Variants in TMEM135 observed in about 807,000 individuals in gnomAD.
TMEM135 encodes peroxisomal membrane protein 52.
Under a neutral mutation model 60.3 loss-of-function variants are expected in TMEM135, and 30 were observed. That is an observed-to-expected ratio of 0.50 (90% CI 0.37 to 0.68). TMEM135 has a LOEUF of 0.68. TMEM135 is among the 30% of genes least tolerant of loss of function. The pLI is 0.00. For synonymous variants in TMEM135, 190 were observed against 186.7 expected, an observed-to-expected ratio of 1.02 and a Z score of -0.14; for missense variants, 468 against 548.8, an observed-to-expected ratio of 0.85 and a Z score of 1.47.
intron 4 of TMEM135, among the ~76,000 whole-genome samples, chr11:87,149,032 T>TTGTGTGTGTGTGTGTG (rs553840798): frequency 1.4e-5 from 2 of 143,598 alleles, no homozygotes; most frequent in African/African-American, 5.1e-5. Context: ...CCCCATACCT[T>TTGTGTGTGTGTGTGTG]TGTGTGTGTG....
At chr11:87,287,253 T>C (rs1942183064) in intron 6 of TMEM135, among the ~76,000 whole-genome samples, 1 of 152,254 alleles carries the variant, frequency 6.6e-6, no homozygotes, top group Non-Finnish European at 1.5e-5. Context: ...CAATGTCTTC[T>C]GTATATTAGA....
Position 87,321,327 on chromosome 11 carries a change from T to A in TMEM135, c.1371T>A (p.Phe457Leu), listed in dbSNP as rs1175753903. 6.2e-7 allele frequency: 1 copy of A among 1,613,482 alleles called. No individual in the cohort carries two copies. The highest frequency in any genetic ancestry group is 2.2e-5 in the East Asian group (1 of 44,868). ...TAACACCAGAGTTGCCCACAGAGTT[T>A]TCCTGAAGATGACTGTAACTTATTA... ...TTVTPELPTE[F>L]S Residue 457 changes from phenylalanine to leucine, a missense_variant, in exon 15 of 15, where the codon TTT (phenylalanine) becomes TTA (leucine). By Grantham distance (22) the Phe-to-Leu change is conservative (BLOSUM62 0). Coordinates refer to ENST00000305494, the MANE Select transcript of TMEM135 (RefSeq NM_022918.4).
At chr11:87,114,655 T>G (rs1486198391) in intron 4 of TMEM135, among the ~76,000 whole-genome samples, 2 of 152,226 alleles carry the variant, frequency 1.3e-5, no homozygotes, top group African/African-American at 4.8e-5. Flanking sequence ...ATTTTAAACA[T>G]GTATTCATTT....
intron 4 of TMEM135, among the ~76,000 whole-genome samples, chr11:87,097,091 G>C (rs923591045): frequency 6.6e-6 from 1 of 151,812 alleles, no homozygotes; most frequent in African/African-American, 2.4e-5. Flanking sequence ...CTGCCTCCTG[G>C]GTTCAAACGA....
intron 1 of TMEM135, among the ~76,000 whole-genome samples, chr11:87,042,283 C>T (rs1019850904): frequency 1.3e-5 from 2 of 152,300 alleles, no homozygotes; most frequent in East Asian, 1.9e-4. Flanking sequence ...TCTTCTTGGC[C>T]TCTCTGAGCA....
At chr11:87,185,171 T>C (rs1430120635) in intron 5 of TMEM135, among the ~76,000 whole-genome samples, 3 of 152,164 alleles carry the variant, frequency 2.0e-5, no homozygotes, top group Non-Finnish European at 4.4e-5. Context: ...CTTTTAAAAA[T>C]ATAAACACAA....
At chr11:87,166,995 C>G (rs999718811) in intron 5 of TMEM135, among the ~76,000 whole-genome samples, 4 of 152,120 alleles carry the variant, frequency 2.6e-5, no homozygotes, top group South Asian at 2.1e-4. Flanking sequence ...GCAGTGGTTT[C>G]TGGATCTCTT....
At chr11:87,292,536 A>C (rs1255152260) in intron 6 of TMEM135, among the ~76,000 whole-genome samples, 1 of 152,162 alleles carries the variant, frequency 6.6e-6, no homozygotes, top group Non-Finnish European at 1.5e-5. Context: ...GCTTTGTTTA[A>C]ATCTTTATAT....
At chr11:87,043,051 GTTCAAGCCA>G (rs1049783103) in intron 1 of TMEM135, among the ~76,000 whole-genome samples, 1 of 151,054 alleles carries the variant, frequency 6.6e-6, no homozygotes, top group Non-Finnish European at 1.5e-5. Flanking sequence ...CGCCTCCCAG[GTTCAAGCCA>G]TTCTGCTGCC....
At chr11:87,043,125 T>C (rs528397011) in intron 1 of TMEM135, among the ~76,000 whole-genome samples, 1 of 151,868 alleles carries the variant, frequency 6.6e-6, no homozygotes, top group East Asian at 2.0e-4. Context: ...CCGGCTAATT[T>C]TGTATTTTTA....
At chr11:87,055,727 A>G (rs1949888141) in intron 1 of TMEM135, among the ~76,000 whole-genome samples, 1 of 151,996 alleles carries the variant, frequency 6.6e-6, no homozygotes, top group South Asian at 2.1e-4. Flanking sequence ...TGTAGCTGGG[A>G]CTACAAGTAT....
chr11:87,146,569 A>G (rs750056392), intron 4 of TMEM135, among the ~76,000 whole-genome samples: 1 of 152,202 alleles, frequency 6.6e-6, no homozygotes, highest in South Asian at 2.1e-4. Context: ...TCATATTCAC[A>G]GCTATGATTA....
At chr11:87,098,600 GATA>G (rs1412307793) in intron 4 of TMEM135, among the ~76,000 whole-genome samples, 15 of 151,980 alleles carry the variant, frequency 9.9e-5, no homozygotes, top group Non-Finnish European at 1.8e-4. Flanking sequence ...ATTATTAAGT[GATA>G]ATAAATACTA....
intron 4 of TMEM135, among the ~76,000 whole-genome samples, chr11:87,129,003 G>GTT (rs985875223): frequency 8.1e-6 from 1 of 123,876 alleles, no homozygotes; most frequent in African/African-American, 2.9e-5. Context: ...CAGGTTTAAG[G>GTT]TTTTTTTTTT....
At chr11:87,091,136 G>A (rs922904251) in intron 3 of TMEM135, among the ~76,000 whole-genome samples, 1 of 151,964 alleles carries the variant, frequency 6.6e-6, no homozygotes, top group Non-Finnish European at 1.5e-5. Context: ...TGACTTCTAA[G>A]AATATTTAAT....
intron 5 of TMEM135, among the ~76,000 whole-genome samples, chr11:87,224,761 T>C (rs1324170860): frequency 2.1e-3 from 1 of 470 alleles, no homozygotes; most frequent in South Asian, 0.5. Context: ...ACATGTGAGT[T>C]TTTTTTTTTT....
chr11:87,275,188 C>T (rs1941946069), intron 6 of TMEM135, among the ~76,000 whole-genome samples: 1 of 152,088 alleles, frequency 6.6e-6, no homozygotes, highest in African/African-American at 2.4e-5. Flanking sequence ...TTCTTCTCTT[C>T]TGCGGCATGG....
At chr11:87,271,721 C>T (rs943195853) in intron 6 of TMEM135, among the ~76,000 whole-genome samples, 6 of 152,104 alleles carry the variant, frequency 3.9e-5, no homozygotes, top group African/African-American at 1.2e-4. Flanking sequence ...ATTGCTTGAG[C>T]CCAGGAGTTC....
intron 6 of TMEM135, among the ~76,000 whole-genome samples, chr11:87,291,297 C>T (rs547047918): frequency 5.9e-5 from 9 of 151,972 alleles, no homozygotes; most frequent in African/African-American, 1.9e-4. Context: ...AATGAGTGGC[C>T]GTATTATCCT....
Sources: gnomAD v4.1 joint callset for allele counts (sites outside exome capture counted in the v4.1 genomes callset) on GRCh38, gnomAD v4.1.1 for gene constraint, MANE v1.5 for transcripts, NCBI Gene and HGNC (gene_info 2026-07-23, HGNC 2026-07-21) for gene names.